The following ARLN variants were observed in gnomAD, a reference collection of about 807,000 sequenced individuals.
ARLN encodes sarcoplasmic/endoplasmic reticulum calcium ATPase regulator ARLN.
chr4:119,300,733 G>C, the ARLN span: 7 of 1,515,720 alleles, frequency 4.6e-6, no homozygotes, highest in African/African-American at 8.3e-5. Flanking sequence ...CTCCGTGACC[G>C]CTGGCATGAA....
chr4:119,300,193 C>T, the ARLN span: 1 of 695,276 alleles, frequency 1.4e-6, no homozygotes, highest in Non-Finnish European at 2.5e-6. Flanking sequence ...TCCTTCTCCC[C>T]CACCCACCCG....
At chr4:119,301,573 G>A in the ARLN span, among the ~76,000 whole-genome samples, 1 of 152,092 alleles carries the variant, frequency 6.6e-6, no homozygotes, top group Non-Finnish European at 1.5e-5. Context: ...TCTCTTTCTT[G>A]TCACATTATG....
At chr4:119,302,512 A>AT in the ARLN span, among the ~76,000 whole-genome samples, 1 of 152,228 alleles carries the variant, frequency 6.6e-6, no homozygotes, top group African/African-American at 2.4e-5. Context: ...AAGTACTGGG[A>AT]TTACAGGCAT....
the ARLN span, among the ~76,000 whole-genome samples, chr4:119,302,389 T>A: frequency 1.1e-4 from 17 of 152,338 alleles, no homozygotes; most frequent in Admixed American, 2.0e-4. Context: ...ACTTTACCCT[T>A]GTAAAAGTCC....
the ARLN span, chr4:119,297,438 T>C: frequency 1.3e-5 from 2 of 152,206 alleles, no homozygotes; most frequent in Admixed American, 1.3e-4. Context: ...GTAAAGCCTT[T>C]AGGGCTAACA....
At chr4:119,300,686 T>C in the ARLN span, 2,297 of 1,535,382 alleles carry the variant, frequency 1.5e-3, 27 homozygotes, top group African/African-American at 0.027. Flanking sequence ...AACCTACTCT[T>C]CCCAGCGCGC....
the ARLN span, chr4:119,300,658 G>C: frequency 6.4e-7 from 1 of 1,556,464 alleles, no homozygotes; most frequent in Non-Finnish European, 8.7e-7. Flanking sequence ...CGCGCCCCGG[G>C]TTCCGGAATG....
At chr4:119,304,114 T>C in the ARLN span, 1 of 643,514 alleles carries the variant, frequency 1.6e-6, no homozygotes. Context: ...GTTTTTCCTG[T>C]TAAACTGGAA....
chr4:119,303,938 A>G, the ARLN span, among the ~76,000 whole-genome samples: 2 of 152,264 alleles, frequency 1.3e-5, no homozygotes, highest in Admixed American at 6.5e-5. Context: ...CTTCTCTTTT[A>G]TCTTCATCTT....
the ARLN span, among the ~76,000 whole-genome samples, chr4:119,304,081 T>C: frequency 1.3e-5 from 2 of 152,234 alleles, no homozygotes; most frequent in Non-Finnish European, 2.9e-5. Context: ...AACTATTCTC[T>C]TGGCCTCTGG....
At chr4:119,300,274 C>T in the ARLN span, 2 of 1,392,928 alleles carry the variant, frequency 1.4e-6, no homozygotes, top group African/African-American at 2.9e-5. Context: ...CCTCCCCGCC[C>T]AAAAGCGAGC....
At chr4:119,300,488 C>CT in the ARLN span, 1 of 1,614,040 alleles carries the variant, frequency 6.2e-7, no homozygotes, top group African/African-American at 1.3e-5. Context: ...AGCCTCGCCG[C>CT]TCCCGGAGAC....
At chr4:119,297,301 T>C in the ARLN span, 4 of 152,242 alleles carry the variant, frequency 2.6e-5, no homozygotes, top group Non-Finnish European at 2.9e-5. Context: ...TAGGAAGATA[T>C]ACAGAGAGTT....
At chr4:119,300,633 G>C in the ARLN span, 1 of 1,587,354 alleles carries the variant, frequency 6.3e-7, no homozygotes, top group African/African-American at 1.3e-5. Context: ...GAGTCCGGCC[G>C]CCTGCGCAGT....
At chr4:119,301,761 T>A in the ARLN span, among the ~76,000 whole-genome samples, 3 of 151,972 alleles carry the variant, frequency 2.0e-5, no homozygotes, top group Non-Finnish European at 4.4e-5. Context: ...ACAAAAGGAG[T>A]GAATTGTCTA....
the ARLN span, chr4:119,304,296 T>C: frequency 6.5e-7 from 1 of 1,537,310 alleles, no homozygotes; most frequent in South Asian, 1.2e-5. Context: ...TGTCATGTTT[T>C]CTTCTTGGGG....
chr4:119,298,725 AT>A, the ARLN span: 1 of 762,702 alleles, frequency 1.3e-6, no homozygotes, highest in Non-Finnish European at 2.4e-6. Flanking sequence ...GTTTGTAGCC[AT>A]TTTCAGAATT....
chr4:119,300,502 C>T, the ARLN span: 10 of 1,614,070 alleles, frequency 6.2e-6, no homozygotes, highest in South Asian at 7.7e-5. Context: ...CGGAGACCAT[C>T]TCGACCATCA....
chr4:119,300,238 T>C, the ARLN span: 7 of 968,314 alleles, frequency 7.2e-6, no homozygotes, highest in East Asian at 4.8e-5. Flanking sequence ...ATCTTGGACA[T>C]ATATAAACTC....
Sources: allele counts gnomAD v4.1 joint callset (sites outside exome capture counted in the v4.1 genomes callset), GRCh38; gene constraint gnomAD v4.1.1; transcripts MANE v1.5; gene names NCBI Gene and HGNC (gene_info 2026-07-23, HGNC 2026-07-21).